The following FGF14 variants were observed in gnomAD, a reference collection of about 807,000 sequenced individuals.
The protein encoded by FGF14 is fibroblast growth factor 14.
In FGF14, 5 loss-of-function variants were observed where a neutral mutation model predicts 25.5. The ratio of observed to expected loss-of-function variants is 0.20; its 90% confidence interval spans 0.10 to 0.41. The LOEUF (loss-of-function observed/expected upper bound fraction) is 0.41, where lower values mean the gene tolerates loss of function less well. Among genes scored for constraint, FGF14 ranks in the 10% least tolerant of loss-of-function variants. The probability of loss-of-function intolerance (pLI) is 1.00; values close to 1 mark genes in which losing one functional copy is unlikely to be tolerated. For synonymous variants in FGF14, 138 were observed against 118.3 expected (o/e 1.17, Z -1.08); for missense variants, 222 against 320.1 (o/e 0.69, Z 2.34).
chr13:101,744,864 G>T (rs1351641513), intron 3 of FGF14, among the ~76,000 whole-genome samples: 5 of 151,988 alleles, frequency 3.3e-5, no homozygotes, highest in African/African-American at 1.2e-4. Context: ...CTCTCTTCTA[G>T]GTGTTTGGGG....
chr13:102,259,366 G>T (rs577258629), intron 1 of FGF14, among the ~76,000 whole-genome samples: 6 of 152,156 alleles, frequency 3.9e-5, no homozygotes, highest in African/African-American at 7.2e-5. Flanking sequence ...TATTTGACTG[G>T]TTTTTTGTTT....
intron 1 of FGF14, among the ~76,000 whole-genome samples, chr13:102,026,858 A>G (rs1026699093): frequency 6.6e-6 from 1 of 152,040 alleles, no homozygotes; most frequent in Non-Finnish European, 1.5e-5. Flanking sequence ...TCCTCACTAT[A>G]TAACACAACC....
intron 3 of FGF14, among the ~76,000 whole-genome samples, chr13:101,832,545 A>T (rs1271231346): frequency 6.6e-6 from 1 of 152,028 alleles, no homozygotes; most frequent in Non-Finnish European, 1.5e-5. Context: ...TTGATAGAGG[A>T]GGAGACAAGA....
At chr13:101,843,307 C>T (rs924900649) in intron 3 of FGF14, among the ~76,000 whole-genome samples, 8 of 151,836 alleles carry the variant, frequency 5.3e-5, no homozygotes, top group African/African-American at 1.5e-4. Context: ...ATTTAGGGGG[C>T]GATGTGTATT....
In FGF14 at chr13:102,161,627, A is replaced by AG. The variant is rs1566764663; in HGVS notation, c.208+239843dup. On this transcript the variant is annotated intron_variant, in intron 1 of 4. Transcript: ENST00000376131. ...AAGAAGAAGAAGAAGAAGAAGAAGA[A>AG]GAAGAAGAAGAAGAAGAAGAAGAAG... Among the ~76,000 whole-genome samples, 55 of 20,848 alleles carry AG rather than the reference A, an allele frequency of 2.6e-3. 7 individuals are homozygous for AG. The highest frequency in any genetic ancestry group is 1.9e-3 in the Non-Finnish European group (26 of 13,488). The allele number at this position is 20,848 out of a possible 152,430, so 13.7% of individuals were successfully genotyped here. A position where few individuals can be genotyped will look rare whatever the true frequency, so the allele number is the denominator to read the frequency against.
chr13:102,317,915 TC>T, intron 1 of FGF14, among the ~76,000 whole-genome samples: 1 of 152,282 alleles, frequency 6.6e-6, no homozygotes, highest in East Asian at 1.9e-4. Context: ...CTATTTAGAG[TC>T]CAGCTCAGAT....
intron 3 of FGF14, among the ~76,000 whole-genome samples, chr13:101,777,823 G>A (rs1031146416): frequency 3.9e-5 from 6 of 152,048 alleles, no homozygotes; most frequent in African/African-American, 1.4e-4. Context: ...AATTAGTTGG[G>A]CATGGTGAGA....
At chr13:102,081,519 C>G (rs978985363) in intron 1 of FGF14, among the ~76,000 whole-genome samples, 3 of 151,986 alleles carry the variant, frequency 2.0e-5, no homozygotes, top group Non-Finnish European at 4.4e-5. Flanking sequence ...TCAAAATATC[C>G]CCAATGATAT....
intron 1 of FGF14, among the ~76,000 whole-genome samples, chr13:102,179,435 T>G (rs930657080): frequency 1.3e-5 from 2 of 152,120 alleles, no homozygotes; most frequent in African/African-American, 2.4e-5. Flanking sequence ...CAATCTTCTG[T>G]GAGCCCTAGG....
At chr13:101,833,789 C>A (rs939472629) in intron 3 of FGF14, among the ~76,000 whole-genome samples, 2 of 152,118 alleles carry the variant, frequency 1.3e-5, no homozygotes, top group Non-Finnish European at 2.9e-5. Context: ...CAGCATCTTG[C>A]CAATTTCCAT....
intron 3 of FGF14, among the ~76,000 whole-genome samples, chr13:101,819,995 T>G (rs2042033057): frequency 6.6e-6 from 1 of 152,202 alleles, no homozygotes; most frequent in Non-Finnish European, 1.5e-5. Flanking sequence ...ATCCACAAGC[T>G]TTTGGAAAAT....
At chr13:101,762,592 G>A (rs2139915105) in intron 3 of FGF14, among the ~76,000 whole-genome samples, 1 of 152,250 alleles carries the variant, frequency 6.6e-6, no homozygotes, top group South Asian at 2.1e-4. Flanking sequence ...ATTATGTAAC[G>A]TGGGTCAAGA....
At chr13:101,985,090 T>C (rs7996014) in intron 1 of FGF14, among the ~76,000 whole-genome samples, 225 of 151,386 alleles carry the variant, frequency 1.5e-3, no homozygotes, top group Non-Finnish European at 2.7e-3. Context: ...GTTTTTTTTT[T>C]TTTTGCCACA....
intron 1 of FGF14, among the ~76,000 whole-genome samples, chr13:102,036,662 A>G (rs4480655): frequency 0.46 from 69,383 of 151,714 alleles, 16,775 homozygotes; most frequent in East Asian, 0.73. Flanking sequence ...GAGGAAACAG[A>G]AGGAGGAGGA....
rs1176716560 is a variant in FGF14 at position 101,716,928 on chromosome 13, A to G, written c.*5903T>C. ...TCACATTGAATTATGAAAGTGTACA[A>G]TAATTGGGACTTCCCTTACATATTT... On this transcript the variant is annotated 3_prime_UTR_variant, in exon 5 of 5. Transcript: ENST00000376143. 1 of 152,148 alleles carries G rather than the reference A, an allele frequency of 6.6e-6. No homozygotes were observed. Among genetic ancestry groups the G allele is most frequent in the Non-Finnish European group, 1.5e-5 (1 of 68,012 alleles). 9.4% of individuals were successfully genotyped at this position (152,148 alleles called of 1,614,324 possible).
chr13:102,205,473 A>G (rs2049862882), intron 1 of FGF14, among the ~76,000 whole-genome samples: 3 of 152,184 alleles, frequency 2.0e-5, no homozygotes, highest in Admixed American at 1.3e-4. Flanking sequence ...GTGTGTGGGC[A>G]TTAGACATTA....
chr13:101,946,363 C>CAAAAAAAAAAAAAAAAAAA (rs59866034), intron 1 of FGF14, among the ~76,000 whole-genome samples: 4 of 91,948 alleles, frequency 4.4e-5, no homozygotes, highest in African/African-American at 1.4e-4. Flanking sequence ...GCTTCTCCAT[C>CAAAAAAAAAAAAAAAAAAA]AAAAAAAAAA....
chr13:101,824,274 T>C (rs1394893152), intron 3 of FGF14, among the ~76,000 whole-genome samples: 1 of 152,212 alleles, frequency 6.6e-6, no homozygotes, highest in Non-Finnish European at 1.5e-5. Flanking sequence ...TTAGACATTG[T>C]TATTTGCTTG....
chr13:102,349,115 C>T (rs373584479), intron 1 of FGF14, among the ~76,000 whole-genome samples: 7 of 152,152 alleles, frequency 4.6e-5, no homozygotes, highest in South Asian at 2.1e-4. Context: ...GCTAAACATT[C>T]GGCAATTCAC....
Sources: allele counts gnomAD v4.1 joint callset (sites outside exome capture counted in the v4.1 genomes callset), GRCh38; gene constraint gnomAD v4.1.1; transcripts MANE v1.5; gene names NCBI Gene and HGNC (gene_info 2026-07-23, HGNC 2026-07-21).